The following FSIP1 variants were observed in gnomAD, a reference collection of about 807,000 sequenced individuals.
FSIP1 encodes fibrous sheath-interacting protein 1.
In FSIP1, 65 loss-of-function variants were observed where a neutral mutation model predicts 60.9. The observed-to-expected ratio is 1.07, with a 90% CI of 0.87 to 1.31. The LOEUF (loss-of-function observed/expected upper bound fraction) is 1.31. Among genes scored for constraint, FSIP1 ranks in the 40% most tolerant of loss-of-function variants. The probability of loss-of-function intolerance (pLI) is 0.00; values close to 1 mark genes in which losing one functional copy is unlikely to be tolerated. For synonymous variants in FSIP1, 209 were observed against 221.2 expected, an observed-to-expected ratio of 0.94 and a Z score of 0.49; for missense variants, 675 against 665.5, an observed-to-expected ratio of 1.01 and a Z score of -0.16.
In FSIP1 at chr15:39,744,777, T is replaced by TCACACACACACACACACACA. The variant is rs55691651; in HGVS notation, c.560-2897_560-2878dup. On this transcript the variant is annotated intron_variant, in intron 5 of 11. Coordinates refer to ENST00000350221, the MANE Select transcript of FSIP1 (RefSeq NM_152597.5). ...CTCTCTCTCTCTCTCTCCCCCTCAGTCACACACACACACACACACACACAC... is the reference window on the plus strand; with the variant it reads ...CTCTCTCTCTCTCTCTCCCCCTCAGTCACACACACACACACACACACACACACACACACACACACACACAC... Among the ~76,000 whole-genome samples the TCACACACACACACACACACA allele has an allele frequency of 4.2e-3, 574 of 138,050 alleles. 10 individuals carry two copies. Among genetic ancestry groups the TCACACACACACACACACACA allele is most frequent in the East Asian group, 0.026 (120 of 4,592 alleles). The allele number at this position is 138,050 out of a possible 152,430, so 90.6% of individuals were successfully genotyped here.
chr15:39,616,658 A>G (rs571719920), intron 11 of FSIP1, among the ~76,000 whole-genome samples: 4 of 152,366 alleles, frequency 2.6e-5, no homozygotes, highest in South Asian at 2.1e-4. Flanking sequence ...GATTAGGAAA[A>G]GAACTTCAGG....
chr15:39,759,243 T>C (rs1897406208), intron 5 of FSIP1, among the ~76,000 whole-genome samples: 1 of 151,830 alleles, frequency 6.6e-6, no homozygotes, highest in Non-Finnish European at 1.5e-5. Flanking sequence ...ATAATTAATA[T>C]CCTTAATATT....
At chr15:39,730,043 A>T (rs1020137909) in intron 8 of FSIP1, among the ~76,000 whole-genome samples, 3 of 152,168 alleles carry the variant, frequency 2.0e-5, no homozygotes, top group Admixed American at 6.5e-5. Flanking sequence ...CTAAAATAAA[A>T]GTATTTATTG....
intron 10 of FSIP1, among the ~76,000 whole-genome samples, chr15:39,705,891 AG>A (rs1480190766): frequency 6.6e-6 from 1 of 151,692 alleles, no homozygotes; most frequent in African/African-American, 2.4e-5. Context: ...CCAGCTACTC[AG>A]GAGGCTAAGG....
intron 10 of FSIP1, among the ~76,000 whole-genome samples, chr15:39,695,796 G>A (rs1420282074): frequency 1.3e-5 from 2 of 152,200 alleles, no homozygotes; most frequent in Non-Finnish European, 2.9e-5. Flanking sequence ...TTAAACCAGT[G>A]AGCTTACTAC....
At chr15:39,688,008 T>C (rs898847596) in intron 10 of FSIP1, among the ~76,000 whole-genome samples, 2 of 152,208 alleles carry the variant, frequency 1.3e-5, no homozygotes, top group Non-Finnish European at 2.9e-5. Context: ...AGGCATATTA[T>C]TAGGCTAAGG....
chr15:39,770,653 T>A, intron 2 of FSIP1, 43 bp from the exon 3 acceptor site: 1 of 1,275,616 alleles, frequency 7.8e-7, no homozygotes, highest in Non-Finnish European at 1.0e-6. Flanking sequence ...GAAAATACTG[T>A]CTTTTTTTAA....
At chr15:39,766,380 C>G (rs370644989) in intron 3 of FSIP1, among the ~76,000 whole-genome samples, 2 of 152,112 alleles carry the variant, frequency 1.3e-5, no homozygotes, top group African/African-American at 4.8e-5. Flanking sequence ...TTATGATTAA[C>G]GATAATAATA....
intron 1 of FSIP1, among the ~76,000 whole-genome samples, chr15:39,779,607 TA>T (rs1898182344): frequency 6.6e-6 from 1 of 152,220 alleles, no homozygotes; most frequent in South Asian, 2.1e-4. Context: ...CACCAGTACA[TA>T]ATGAGCATTT....
At chr15:39,749,491 G>T (rs1351935175) in intron 5 of FSIP1, among the ~76,000 whole-genome samples, 1 of 151,940 alleles carries the variant, frequency 6.6e-6, no homozygotes, top group African/African-American at 2.4e-5. Flanking sequence ...TTTATCCCTG[G>T]CAGGTAAGGG....
At chr15:39,653,608 T>C (rs1369149657) in intron 10 of FSIP1, among the ~76,000 whole-genome samples, 3 of 152,200 alleles carry the variant, frequency 2.0e-5, no homozygotes, top group Non-Finnish European at 2.9e-5. Flanking sequence ...TTCCCACCTG[T>C]TGTGGGAGGG....
intron 10 of FSIP1, among the ~76,000 whole-genome samples, chr15:39,696,206 TA>T (rs1465239506): frequency 6.6e-6 from 1 of 152,118 alleles, no homozygotes; most frequent in Non-Finnish European, 1.5e-5. Context: ...TAAATAAAAT[TA>T]ACACTTTAGA....
chr15:39,652,968 G>C (rs1292477388), intron 10 of FSIP1, among the ~76,000 whole-genome samples: 1 of 152,092 alleles, frequency 6.6e-6, no homozygotes, highest in Non-Finnish European at 1.5e-5. Flanking sequence ...TTGAGCTCAT[G>C]AGTTTGAGAT....
At chr15:39,630,819 C>A (rs1891852320) in intron 10 of FSIP1, among the ~76,000 whole-genome samples, 1 of 152,216 alleles carries the variant, frequency 6.6e-6, no homozygotes, top group South Asian at 2.1e-4. Context: ...CACCTGGCAG[C>A]AGCATGGTAC....
intron 10 of FSIP1, among the ~76,000 whole-genome samples, chr15:39,642,661 G>A (rs765666379): frequency 2.6e-5 from 4 of 152,146 alleles, no homozygotes; most frequent in Non-Finnish European, 4.4e-5. Flanking sequence ...GTAAAAGTAC[G>A]AAAACCTGAA....
chr15:39,640,727 C>CAAAAA (rs111962610), intron 10 of FSIP1, among the ~76,000 whole-genome samples: 2 of 99,998 alleles, frequency 2.0e-5, no homozygotes, highest in Admixed American at 1.0e-4. Context: ...GATTTACAGA[C>CAAAAA]AAAAAAAAAA....
At chr15:39,710,311 C>T (rs1259107253) in intron 10 of FSIP1, among the ~76,000 whole-genome samples, 1 of 151,894 alleles carries the variant, frequency 6.6e-6, no homozygotes, top group East Asian at 1.9e-4. Context: ...GGCAAACCCC[C>T]GTCTCTCCTA....
At position 39,680,872 on chromosome 15, in the gene FSIP1, C is replaced by T. The variant is rs569172047; in HGVS notation, c.1188+32572G>A. On this transcript the variant is annotated intron_variant, in intron 10 of 11. Transcript: ENST00000350221. ...TGCTCAAGACAGTAACAGTTTCAAG[C>T]AATTATTCCTATCCTCAGAAAGCCA... Among the ~76,000 whole-genome samples, 9 of 152,280 alleles carry T rather than the reference C, an allele frequency of 5.9e-5. No homozygotes were observed. In the South Asian group the frequency reaches 1.9e-3, roughly 32 times the overall value.
At chr15:39,732,619 C>CAAAAAAA (rs56106819) in intron 8 of FSIP1, among the ~76,000 whole-genome samples, 42 of 80,108 alleles carry the variant, frequency 5.2e-4, no homozygotes, top group African/African-American at 1.7e-3. Flanking sequence ...AACTCCATCT[C>CAAAAAAA]AAAAAAAAAA....
Sources: gnomAD v4.1 joint callset for allele counts (sites outside exome capture counted in the v4.1 genomes callset) on GRCh38, gnomAD v4.1.1 for gene constraint, MANE v1.5 for transcripts, NCBI Gene and HGNC (gene_info 2026-07-23, HGNC 2026-07-21) for gene names.